The following PPP3CA variants were observed in gnomAD, a reference collection of about 807,000 sequenced individuals.
PPP3CA encodes the protein CAM-PRP catalytic subunit.
PPP3CA carries 14 observed loss-of-function variants against 66.5 expected under a neutral mutation model. The observed-to-expected ratio is 0.21, with a 90% CI of 0.14 to 0.33. PPP3CA has a LOEUF of 0.33. Ranked by LOEUF, PPP3CA falls within the 10% of genes least tolerant of loss-of-function variation. The pLI is 1.00. For synonymous variants in PPP3CA, 232 were observed against 226.2 expected (o/e 1.03, Z -0.23); for missense variants, 317 against 639.5 (o/e 0.50, Z 5.44).
intron 1 of PPP3CA, among the ~76,000 whole-genome samples, chr4:101,205,409 G>GT (rs1725100625): frequency 6.6e-6 from 1 of 152,108 alleles, no homozygotes; most frequent in African/African-American, 2.4e-5. Flanking sequence ...AACAGCCTAA[G>GT]TAAGACATGA....
At chr4:101,340,729 A>G (rs1316298308) in intron 1 of PPP3CA, among the ~76,000 whole-genome samples, 1 of 152,168 alleles carries the variant, frequency 6.6e-6, no homozygotes. Context: ...GTCCTACCTA[A>G]TGACTGCTTT....
chr4:101,284,778 G>A (rs909240134), intron 1 of PPP3CA, among the ~76,000 whole-genome samples: 1 of 151,900 alleles, frequency 6.6e-6, no homozygotes, highest in East Asian at 1.9e-4. Context: ...TCAAATCTGG[G>A]AGCAACTACA....
chr4:101,320,213 G>T lies in PPP3CA; in HGVS notation c.58+26526C>A, dbSNP rs546344797. The stretch of plus-strand genomic sequence containing the variant: ...GTAGTGAATTTTTTTTTTATTTCAA[G>T]AAGTAGCCTATTCAAAACTGTGATT... On this transcript the variant is annotated intron_variant, in intron 1 of 13. Coordinates refer to ENST00000394854, the MANE Select transcript of PPP3CA (RefSeq NM_000944.5). 4.0e-5 allele frequency among the ~76,000 whole-genome samples: 6 copies of T among 151,276 alleles called. No individual in the cohort carries two copies. In the South Asian group the frequency reaches 1.0e-3, roughly 26 times the overall value.
At chr4:101,096,860 C>T (rs1016349997) in intron 5 of PPP3CA, among the ~76,000 whole-genome samples, 3 of 152,068 alleles carry the variant, frequency 2.0e-5, no homozygotes, top group Non-Finnish European at 2.9e-5. Context: ...AATTTAATAA[C>T]TTATGGCAGC....
chr4:101,250,096 T>A lies in PPP3CA; in HGVS notation c.59-53980A>T, dbSNP rs568667466. On this transcript the variant is annotated intron_variant, in intron 1 of 13. Transcript: ENST00000394854. ...TTAAATGAGTGCTTCGTGGTTCAGTTTTAAACACAAGAATAATTGAGTTTT... is the reference window on the plus strand; with the variant it reads ...TTAAATGAGTGCTTCGTGGTTCAGTATTAAACACAAGAATAATTGAGTTTT... Among the ~76,000 whole-genome samples, 199 of 152,316 alleles carry A rather than the reference T, an allele frequency of 1.3e-3. 1 individual carries two copies. Among genetic ancestry groups the A allele is most frequent in the Non-Finnish European group, 2.1e-3 (141 of 68,018 alleles).
intron 6 of PPP3CA, 38 bp from the exon 7 acceptor site, chr4:101,083,301 G>A (rs976455773): frequency 6.5e-7 from 1 of 1,541,046 alleles, no homozygotes; most frequent in African/African-American, 1.4e-5. Flanking sequence ...CATCTGTTAG[G>A]AAATCATCAG....
intron 1 of PPP3CA, among the ~76,000 whole-genome samples, chr4:101,215,034 GTA>G (rs1316642995): frequency 2.0e-5 from 3 of 151,948 alleles, no homozygotes; most frequent in African/African-American, 4.8e-5. Context: ...GCATAACAAT[GTA>G]CCTCTTTGTT....
At chr4:101,277,005 GGACCTGA>G (rs1560693900) in intron 1 of PPP3CA, among the ~76,000 whole-genome samples, 2 of 63,712 alleles carry the variant, frequency 3.1e-5, no homozygotes, top group African/African-American at 4.9e-5. Context: ...CAAAATATTA[GGACCTGA>G]TATTTTCAGG....
chr4:101,211,423 C>A (rs1379397414), intron 1 of PPP3CA, among the ~76,000 whole-genome samples: 1 of 152,160 alleles, frequency 6.6e-6, no homozygotes, highest in Non-Finnish European at 1.5e-5. Flanking sequence ...TCACATCTCA[C>A]CACATAATTT....
intron 2 of PPP3CA, among the ~76,000 whole-genome samples, chr4:101,170,073 C>T (rs1723824765): frequency 6.6e-6 from 1 of 152,042 alleles, no homozygotes; most frequent in Non-Finnish European, 1.5e-5. Flanking sequence ...ATTTGCTGAT[C>T]TTAAACGTGG....
In PPP3CA at chr4:101,036,175, AC is replaced by A. The variant is rs539171859; in HGVS notation, c.1242-3812del. 3.8e-3 allele frequency among the ~76,000 whole-genome samples: 579 copies of A among 152,316 alleles called. 5 individuals are homozygous for A. The highest frequency in any genetic ancestry group is 0.013 in the African/African-American group (545 of 41,578). ...ATAAAATTTTGGAGACTTGTGTTAA[AC>A]AGACTGTATTATAATAATTTCTTTA... is the stretch of plus-strand genomic sequence containing the variant. On this transcript the variant is annotated intron_variant, in intron 11 of 13. Transcript: ENST00000394854.
chr4:101,042,712 T>C (rs931911755), intron 10 of PPP3CA, among the ~76,000 whole-genome samples: 3 of 152,032 alleles, frequency 2.0e-5, no homozygotes, highest in African/African-American at 7.2e-5. Context: ...AGATTATACA[T>C]CAAATTCTGC....
At chr4:101,161,071 A>C (rs558167210) in intron 2 of PPP3CA, among the ~76,000 whole-genome samples, 1 of 152,252 alleles carries the variant, frequency 6.6e-6, no homozygotes, top group South Asian at 2.1e-4. Flanking sequence ...CTATGTTTAG[A>C]TATGTTATAT....
At chr4:101,233,465 G>A (rs1726028856) in intron 1 of PPP3CA, among the ~76,000 whole-genome samples, 1 of 151,668 alleles carries the variant, frequency 6.6e-6, no homozygotes, top group African/African-American at 2.4e-5. Flanking sequence ...TAACAATTTG[G>A]TTTCTTGTAG....
chr4:101,092,224 T>C (rs955507431), intron 6 of PPP3CA, among the ~76,000 whole-genome samples: 3 of 152,152 alleles, frequency 2.0e-5, no homozygotes, highest in Non-Finnish European at 2.9e-5. Flanking sequence ...TAAAAATAAA[T>C]ATACTATGGT....
intron 1 of PPP3CA, among the ~76,000 whole-genome samples, chr4:101,330,957 T>C (rs1334862973): frequency 6.6e-6 from 1 of 152,024 alleles, no homozygotes; most frequent in East Asian, 1.9e-4. Flanking sequence ...CCCATTGTTG[T>C]GGGCCTCAAC....
At chr4:101,226,503 T>C (rs1159064777) in intron 1 of PPP3CA, among the ~76,000 whole-genome samples, 6 of 151,702 alleles carry the variant, frequency 4.0e-5, no homozygotes, top group Admixed American at 6.6e-5. Context: ...GGAGTCTCTA[T>C]AAAGATCCTT....
intron 2 of PPP3CA, among the ~76,000 whole-genome samples, chr4:101,152,771 C>G (rs1723183643): frequency 6.6e-6 from 1 of 152,036 alleles, no homozygotes; most frequent in Admixed American, 6.6e-5. Flanking sequence ...AGAAACAGTC[C>G]TTGCAAGAAA....
chr4:101,346,578 G>T (rs1437659516), intron 1 of PPP3CA, among the ~76,000 whole-genome samples, 161 bp downstream of exon 1: 1 of 151,964 alleles, frequency 6.6e-6, no homozygotes, highest in African/African-American at 2.4e-5. Context: ...GGGGCGGGGG[G>T]TTCGCGGGGT....
Sources: allele counts gnomAD v4.1 joint callset (sites outside exome capture counted in the v4.1 genomes callset), GRCh38; gene constraint gnomAD v4.1.1; transcripts MANE v1.5; gene names NCBI Gene and HGNC (gene_info 2026-07-23, HGNC 2026-07-21).